PIGF: variants seen among roughly 807,000 people sequenced by gnomAD.
PIGF encodes the protein phosphatidylinositol glycan anchor biosynthesis class F.
Under a neutral mutation model 26.0 loss-of-function variants are expected in PIGF, and 23 were observed. The ratio of observed to expected loss-of-function variants is 0.88; its 90% CI spans 0.64 to 1.25. PIGF has a LOEUF of 1.25. Among genes scored for constraint, PIGF ranks in the 50% most tolerant of loss-of-function variants. The pLI is 0.00. For missense variants in PIGF, 278 were observed against 249.9 expected, an observed-to-expected ratio of 1.11 and a Z score of -0.76; for synonymous variants, 93 against 92.6, an observed-to-expected ratio of 1.00 and a Z score of -0.03.
chr2:46,582,264 A>G (rs1669416194), intron 5 of PIGF: 1 of 151,656 alleles, frequency 6.6e-6, no homozygotes, highest in Non-Finnish European at 1.5e-5. Flanking sequence ...TTGGTCCCTA[A>G]GTGAAAGGCT....
chr2:46,588,369 G>T lies in PIGF; in HGVS notation c.546+4106C>A. The T allele has an allele frequency of 1.4e-6, 1 of 722,366 alleles. No homozygotes were observed. The highest frequency in any genetic ancestry group is 1.8e-5 in the African/African-American group (1 of 54,500). 44.7% of individuals were successfully genotyped at this position (722,366 alleles called of 1,614,324 possible). On this transcript the variant is annotated intron_variant, in intron 5 of 5. Transcript: ENST00000281382. This position sits in a 1 kb window ranked among gnomAD's most constrained non-coding sequence, Gnocchi z 4.1. ...ATATATGAGAACTCAAATAAATCAT[G>T]GAATTTGCATTTTTTGAAGGCTAAA...
intron 5 of PIGF, chr2:46,591,604 C>T: frequency 1.1e-6 from 1 of 950,312 alleles, no homozygotes; most frequent in Non-Finnish European, 1.3e-6. Flanking sequence ...TTTATTATCA[C>T]AAAATACTGG....
At chr2:46,599,501 C>T (rs1669991475) in intron 4 of PIGF, among the ~76,000 whole-genome samples, 1 of 152,178 alleles carries the variant, frequency 6.6e-6, no homozygotes. Context: ...AACCCCCTCC[C>T]TACCCCGCAT....
chr2:46,595,287 A>C (rs538925836), intron 4 of PIGF, among the ~76,000 whole-genome samples: 12 of 152,264 alleles, frequency 7.9e-5, no homozygotes, highest in Non-Finnish European at 2.9e-5. Flanking sequence ...TCCCAGCCCT[A>C]GGCAACCACT....
In PIGF at chr2:46,617,040, A is replaced by G. The variant is rs886489763; in HGVS notation, c.-92T>C. The G allele has an allele frequency of 1.3e-5, 8 of 605,704 alleles. No homozygotes were observed. The highest frequency in any genetic ancestry group is 2.3e-5 in the Non-Finnish European group (8 of 341,400). The allele number at this position is 605,704 out of a possible 1,614,324, so 37.5% of individuals were successfully genotyped here. A position where few individuals can be genotyped will look rare whatever the true frequency, so the allele number is the denominator to read the frequency against. Reference sequence around the variant, plus strand: ...TACCATCAGGTACGACGGGCGGCCCAGGCCCACGCGCAGGCGCAGGGCTGT... The same window carrying G: ...TACCATCAGGTACGACGGGCGGCCCGGGCCCACGCGCAGGCGCAGGGCTGT... On this transcript the variant is annotated 5_prime_UTR_variant, in exon 1 of 6. Coordinates refer to ENST00000281382, the MANE Select transcript of PIGF (RefSeq NM_002643.4).
chr2:46,605,612 A>G (rs1023768657), intron 4 of PIGF, among the ~76,000 whole-genome samples: 4 of 152,156 alleles, frequency 2.6e-5, no homozygotes, highest in Non-Finnish European at 5.9e-5. Context: ...ATCATATTAC[A>G]TATGTGAAGT....
chr2:46,613,486 T>C (rs1670491989), intron 3 of PIGF, among the ~76,000 whole-genome samples: 1 of 152,198 alleles, frequency 6.6e-6, no homozygotes. Context: ...AATTGGATAC[T>C]AGAAGGCTAG....
At chr2:46,606,988 A>T (rs1174571772) in intron 4 of PIGF, among the ~76,000 whole-genome samples, 3 of 152,210 alleles carry the variant, frequency 2.0e-5, no homozygotes, top group Non-Finnish European at 4.4e-5. Context: ...TATGCTAAGT[A>T]AAAAAAGGCA....
intron 5 of PIGF, among the ~76,000 whole-genome samples, chr2:46,590,088 G>A (rs766567788): frequency 8.6e-5 from 13 of 152,020 alleles, no homozygotes; most frequent in Non-Finnish European, 1.8e-4. Flanking sequence ...ATAATTACAT[G>A]GCCAGTAATA....
intron 5 of PIGF, among the ~76,000 whole-genome samples, chr2:46,587,896 A>AT (rs1482143086): frequency 6.6e-6 from 1 of 152,188 alleles, no homozygotes; most frequent in Non-Finnish European, 1.5e-5. Flanking sequence ...AGCTATGACC[A>AT]TTTTTTAAAA....
intron 4 of PIGF, among the ~76,000 whole-genome samples, chr2:46,606,104 T>A (rs767196054): frequency 6.6e-6 from 1 of 152,166 alleles, no homozygotes. Context: ...CTACTTTCCA[T>A]AAGCAAGAAG....
intron 4 of PIGF, among the ~76,000 whole-genome samples, chr2:46,593,134 C>CTTTTTTTTTTTTTTT (rs71397007): frequency 7.6e-6 from 1 of 132,304 alleles, no homozygotes; most frequent in Non-Finnish European, 1.6e-5. Context: ...ACCAGTCTTT[C>CTTTTTTTTTTTTTTT]TTTTTTTTTT....
At chr2:46,596,501 A>T (rs923383469) in intron 4 of PIGF, among the ~76,000 whole-genome samples, 33 of 152,156 alleles carry the variant, frequency 2.2e-4, no homozygotes, top group African/African-American at 7.7e-4. Context: ...TAAAAATTTC[A>T]TATTTATCAA....
intron 4 of PIGF, among the ~76,000 whole-genome samples, chr2:46,609,393 C>T (rs1424985139): frequency 2.6e-5 from 4 of 152,240 alleles, no homozygotes; most frequent in Non-Finnish European, 5.9e-5. Context: ...ACTTTCTCCC[C>T]ATCAGCAGTA....
Position 46,612,331 on chromosome 2 carries a change from T to C in PIGF, c.334A>G (p.Thr112Ala), listed in dbSNP as rs1670447889. 1 of 1,398,574 alleles carries C rather than the reference T, an allele frequency of 7.2e-7. No homozygotes were observed. Among genetic ancestry groups the C allele is most frequent in the East Asian group, 2.5e-5 (1 of 39,688 alleles). The allele number at this position is 1,398,574 out of a possible 1,614,324, so 86.6% of individuals were successfully genotyped here. A position where few individuals can be genotyped will look rare whatever the true frequency, so the allele number is the denominator to read the frequency against. ...GACAAAATAACTGCAAATAAAAATG[T>C]TTCCAATGCCAACCTAGAAAAAAAA... ...GAPLIELALE[T>A]FLFAVILSTF... Residue 112 changes from threonine to alanine, a missense_variant, in exon 4 of 6, where the codon ACA (threonine) becomes GCA (alanine). Coordinates refer to ENST00000281382, the MANE Select transcript of PIGF (RefSeq NM_002643.4).
chr2:46,601,034 C>T lies in PIGF; in HGVS notation c.438-8451G>A, dbSNP rs553935729. On this transcript the variant is annotated intron_variant, in intron 4 of 5. Coordinates refer to ENST00000281382, the MANE Select transcript of PIGF (RefSeq NM_002643.4). ...TATTTTTCTGTTTGAATTTTTACTA[C>T]AAACATTTATATACATTATTTTGTA... is the stretch of plus-strand genomic sequence containing the variant. Among the ~76,000 whole-genome samples the T allele has an allele frequency of 7.9e-5, 12 of 151,936 alleles. 1 individual carries two copies. The South Asian group carries it at 2.5e-3, about 32-fold the overall frequency.
intron 4 of PIGF, among the ~76,000 whole-genome samples, chr2:46,593,708 G>A (rs1046107284): frequency 6.6e-5 from 10 of 152,212 alleles, no homozygotes; most frequent in Non-Finnish European, 1.5e-4. Context: ...CCACTGCAAT[G>A]CACTAAGTGG....
intron 2 of PIGF, chr2:46,614,594 A>G (rs1338426780): frequency 6.3e-6 from 1 of 159,958 alleles, no homozygotes; most frequent in African/African-American, 2.4e-5. Context: ...AGAAATGCAA[A>G]AATAATAAAA....
chr2:46,612,271 CT>C lies in PIGF; in HGVS notation c.393del (p.Gly132AspfsTer8). The stretch of plus-strand genomic sequence containing the variant: ...CTTAGCCATGCTTTGAGGTTTGGTC[CT>C]AACAAACATAAGCAAGGCACAGTAG... Reference protein sequence around the residue: ...TFTTVPCLCLLGPNLKAWLRV... With the variant: ...TFTTVPCLCLXGPNLKAWLRV... On this transcript the variant is annotated frameshift_variant, in exon 4 of 6. Coordinates refer to ENST00000281382, the MANE Select transcript of PIGF (RefSeq NM_002643.4). LOFTEE classifies it high-confidence loss of function. 1 of 1,471,954 alleles carries C rather than the reference CT, an allele frequency of 6.8e-7. No individual in the cohort carries two copies. The highest frequency in any genetic ancestry group is 2.6e-5 in the East Asian group (1 of 38,004). The allele number at this position is 1,471,954 out of a possible 1,614,324, so 91.2% of individuals were successfully genotyped here.
Sources: allele counts gnomAD v4.1 joint callset (sites outside exome capture counted in the v4.1 genomes callset), GRCh38; gene constraint gnomAD v4.1.1; non-coding constraint Gnocchi (gnomAD v3.1); transcripts MANE v1.5; gene names NCBI Gene and HGNC (gene_info 2026-07-23, HGNC 2026-07-21).